The following RLBP1 variants were observed in gnomAD, a reference collection of about 807,000 sequenced individuals.
RLBP1 encodes retinaldehyde-binding protein 1.
In RLBP1, 26 loss-of-function variants were observed where a neutral mutation model predicts 36.2. The observed-to-expected ratio is 0.72, with a 90% CI of 0.53 to 1.00. The LOEUF (loss-of-function observed/expected upper bound fraction) is 1.00. Among genes scored for constraint, RLBP1 ranks in the 50% least tolerant of loss-of-function variants. The pLI, the probability that RLBP1 is intolerant of heterozygous loss-of-function variation, is 0.00. For synonymous variants in RLBP1, 155 were observed against 156.2 expected (o/e 0.99, Z 0.06); for missense variants, 410 against 402.4 (o/e 1.02, Z -0.16).
chr15:89,218,847 T>C lies in RLBP1; in HGVS notation c.12+117A>G, dbSNP rs562509741. The C allele has an allele frequency of 4.7e-6, 7 of 1,498,812 alleles. No individual in the cohort carries two copies. In the African/African-American group the frequency reaches 9.6e-5, roughly 21 times the overall value. The allele number at this position is 1,498,812 out of a possible 1,614,324, so 92.8% of individuals were successfully genotyped here. A position where few individuals can be genotyped will look rare whatever the true frequency, so the allele number is the denominator to read the frequency against. Reference sequence around the variant, plus strand: ...AGGACCCACACAGGGGTTATAGAAGTGTGTGCCTATATTCCCGGGCAGAGC... The same window carrying C: ...AGGACCCACACAGGGGTTATAGAAGCGTGTGCCTATATTCCCGGGCAGAGC... On this transcript the variant is annotated intron_variant, in intron 3 of 8. Coordinates refer to ENST00000268125, the MANE Select transcript of RLBP1 (RefSeq NM_000326.5). This position sits in a 1 kb window ranked among gnomAD's most constrained non-coding sequence, Gnocchi z 4.6.
rs757325106 is a variant in RLBP1, at chr15:89,218,001, C to T, written c.141+564G>A. 3.9e-5 allele frequency among the ~76,000 whole-genome samples: 6 copies of T among 152,124 alleles called. No individual in the cohort carries two copies. The highest frequency in any genetic ancestry group is 8.8e-5 in the Non-Finnish European group (6 of 68,022). The stretch of plus-strand genomic sequence containing the variant: ...AATAGCACCTTTCCCTTGAGATGCC[C>T]AAGGAAGCAGAGATGGAAGCTGGGT... On this transcript the variant is annotated intron_variant, in intron 4 of 8. Coordinates refer to ENST00000268125, the MANE Select transcript of RLBP1 (RefSeq NM_000326.5). This position sits in a 1 kb window ranked among gnomAD's most constrained non-coding sequence, Gnocchi z 4.6.
At position 89,211,527 on chromosome 15, in the gene RLBP1, A is replaced by G. The variant is rs936513248; in HGVS notation, c.684+216T>C. On this transcript the variant is annotated intron_variant, in intron 7 of 8. Coordinates refer to ENST00000268125, the MANE Select transcript of RLBP1 (RefSeq NM_000326.5). The surrounding 1 kb of genome is among the most constrained non-coding windows in gnomAD (Gnocchi z 5.8). ...AATGAAGCAGGGAAGGAGGGAGAGAATGCTCTCAAGGAGTCGATGGAAGAA... is the reference window on the plus strand; with the variant it reads ...AATGAAGCAGGGAAGGAGGGAGAGAGTGCTCTCAAGGAGTCGATGGAAGAA... Among the ~76,000 whole-genome samples the G allele has an allele frequency of 1.3e-5, 2 of 152,180 alleles. No individual in the cohort carries two copies. Among genetic ancestry groups the G allele is most frequent in the Admixed American group, 1.3e-4 (2 of 15,274 alleles).
chr15:89,216,521 C>A (rs1356645207), intron 5 of RLBP1, among the ~76,000 whole-genome samples: 1 of 152,190 alleles, frequency 6.6e-6, no homozygotes, highest in African/African-American at 2.4e-5. Flanking sequence ...GGGGTTTCTC[C>A]ACGTTGGTCA....
rs1240542346 is a variant in RLBP1, at chr15:89,218,035, T to C, written c.141+530A>G. Among the ~76,000 whole-genome samples, 1 of 152,294 alleles carries C rather than the reference T, an allele frequency of 6.6e-6. No individual in the cohort carries two copies. The highest frequency in any genetic ancestry group is 1.9e-4 in the East Asian group (1 of 5,180). ...AGAGATGGAAGCTGGGTGCCCAGGCTCAGCTCAGCCACTTCTCATCCTCCC... is the reference window on the plus strand; with the variant it reads ...AGAGATGGAAGCTGGGTGCCCAGGCCCAGCTCAGCCACTTCTCATCCTCCC... On this transcript the variant is annotated intron_variant, in intron 4 of 8. Coordinates refer to ENST00000268125, the MANE Select transcript of RLBP1 (RefSeq NM_000326.5). The surrounding 1 kb of genome is among the most constrained non-coding windows in gnomAD (Gnocchi z 4.6).
At chr15:89,215,466 C>A (rs2051572687) in intron 5 of RLBP1, among the ~76,000 whole-genome samples, 1 of 152,194 alleles carries the variant, frequency 6.6e-6, no homozygotes, top group Non-Finnish European at 1.5e-5. Context: ...ATTGTTGTGG[C>A]AATCAAATGA....
chr15:89,212,359 A>G (rs748901321), intron 6 of RLBP1, among the ~76,000 whole-genome samples: 1 of 152,126 alleles, frequency 6.6e-6, no homozygotes, highest in East Asian at 1.9e-4. Context: ...AGGCAGGTGG[A>G]TCACCTGAGG....
Position 89,210,494 on chromosome 15 carries a change from A to T in RLBP1, c.796-51T>A, listed in dbSNP as rs1305078724. On this transcript the variant is annotated intron_variant, in intron 8 of 8. Coordinates refer to ENST00000268125, the MANE Select transcript of RLBP1 (RefSeq NM_000326.5). The surrounding 1 kb of genome is among the most constrained non-coding windows in gnomAD (Gnocchi z 4.7). Reference sequence around the variant, plus strand: ...CTGAGCAGGAGGAGGTGCCCTAAGGATGAGGGTTGAGGGAGGAAAGGGGCA... The same window carrying T: ...CTGAGCAGGAGGAGGTGCCCTAAGGTTGAGGGTTGAGGGAGGAAAGGGGCA... 8 of 1,604,540 alleles carry T rather than the reference A, an allele frequency of 5.0e-6. No homozygotes were observed. Among genetic ancestry groups the T allele is most frequent in the Non-Finnish European group, 6.8e-6 (8 of 1,171,962 alleles).
At position 89,210,384 on chromosome 15, in the gene RLBP1, C is replaced by A. The variant is rs915161576; in HGVS notation, c.855G>T (p.Leu285=). The A allele has an allele frequency of 4.3e-6, 7 of 1,614,230 alleles. No homozygotes were observed. The highest frequency in any genetic ancestry group is 1.1e-5 in the South Asian group (1 of 91,088). Residue 285 remains leucine, a synonymous_variant, in exon 9 of 9, where the codon CTG becomes CTT. Transcript: ENST00000268125. This position sits in a 1 kb window ranked among gnomAD's most constrained non-coding sequence, Gnocchi z 4.7. ...GFYQEIDENI[L]PSDFGGTLPK... is the part of the protein sequence containing the mutation. ...GCAGCGTGCCCCCGAAGTCAGAGGGCAGGATGTTCTCATCGATCTCCTGGT... is the reference window on the plus strand; with the variant it reads ...GCAGCGTGCCCCCGAAGTCAGAGGGAAGGATGTTCTCATCGATCTCCTGGT...
At chr15:89,220,509 C>T (rs1390026784) in intron 1 of RLBP1, among the ~76,000 whole-genome samples, 1 of 152,158 alleles carries the variant, frequency 6.6e-6, no homozygotes, top group Admixed American at 6.5e-5. Context: ...CATAGAGTAT[C>T]GGAGGGTCCC....
chr15:89,210,539 T>C lies in RLBP1; in HGVS notation c.796-96A>G. On this transcript the variant is annotated intron_variant, in intron 8 of 8. Coordinates refer to ENST00000268125, the MANE Select transcript of RLBP1 (RefSeq NM_000326.5). The surrounding 1 kb of genome is among the most constrained non-coding windows in gnomAD (Gnocchi z 4.7). ...GGGGCAGGAGGACAAAGCCCCATCA[T>C]GTGCAGTCTTTGCCTGGCGACACCT... The C allele has an allele frequency of 6.9e-7, 1 of 1,444,178 alleles. No homozygotes were observed. Among genetic ancestry groups the C allele is most frequent in the Non-Finnish European group, 9.7e-7 (1 of 1,031,976 alleles). 89.5% of individuals were successfully genotyped at this position (1,444,178 alleles called of 1,614,324 possible).
rs757539358 is a variant in RLBP1 at position 89,215,090 on chromosome 15, G to A, written c.495C>T (p.Asn165=). ...GRVVMLFNIE[N]WQSQEITFDE... ...CAAAGGTGATTTCTTGACTTTGCCA[G>A]TTCTCAATGTTGAAGAGCATGACCA... Residue 165 remains asparagine, a synonymous_variant, in exon 6 of 9, where the codon AAC becomes AAT. Coordinates refer to ENST00000268125, the MANE Select transcript of RLBP1 (RefSeq NM_000326.5). 5.3e-5 allele frequency: 86 copies of A among 1,614,100 alleles called. No individual in the cohort carries two copies. Among genetic ancestry groups the A allele is most frequent in the Non-Finnish European group, 7.1e-5 (84 of 1,180,050 alleles).
In RLBP1 at chr15:89,210,232, G is replaced by C; in HGVS notation, c.*53C>G. 6.2e-7 allele frequency: 1 copy of C among 1,605,000 alleles called. No homozygotes were observed. Among genetic ancestry groups the C allele is most frequent in the Non-Finnish European group, 8.5e-7 (1 of 1,174,782 alleles). Reference sequence around the variant, plus strand: ...CTTTCCTAGCCTTGGGTCCAGGACAGTTGAGGAGAGGCCCAGAGATTCTAA... The same window carrying C: ...CTTTCCTAGCCTTGGGTCCAGGACACTTGAGGAGAGGCCCAGAGATTCTAA... On this transcript the variant is annotated 3_prime_UTR_variant, in exon 9 of 9. Coordinates refer to ENST00000268125, the MANE Select transcript of RLBP1 (RefSeq NM_000326.5). The surrounding 1 kb of genome is among the most constrained non-coding windows in gnomAD (Gnocchi z 4.7).
Position 89,218,824 on chromosome 15 carries a change from G to A in RLBP1, c.13-131C>T. 2 of 1,512,004 alleles carry A rather than the reference G, an allele frequency of 1.3e-6. No individual in the cohort carries two copies. The highest frequency in any genetic ancestry group is 1.8e-6 in the Non-Finnish European group (2 of 1,098,554). 93.7% of individuals were successfully genotyped at this position (1,512,004 alleles called of 1,614,324 possible). On this transcript the variant is annotated intron_variant, in intron 3 of 8. Transcript: ENST00000268125. The surrounding 1 kb of genome is among the most constrained non-coding windows in gnomAD (Gnocchi z 4.6). Reference sequence around the variant, plus strand: ...AAGCCTCCTCCTTTTGTGGGGTCAGGACCCACACAGGGGTTATAGAAGTGT... The same window carrying A: ...AAGCCTCCTCCTTTTGTGGGGTCAGAACCCACACAGGGGTTATAGAAGTGT...
rs201258558 is a variant in RLBP1, at chr15:89,218,680, C to A, written c.26G>T (p.Arg9Leu). The A allele has an allele frequency of 2.2e-5, 35 of 1,614,140 alleles. No homozygotes were observed. Among genetic ancestry groups the A allele is most frequent in the Non-Finnish European group, 2.9e-5 (34 of 1,180,040 alleles). The stretch of plus-strand genomic sequence containing the variant: ...CTCCTGTTCCTCTTCAGGTACCATG[C>A]GGAACGTGCCCACCTGGGCAGAGAA... MSEGVGTF[R>L]MVPEEEQELR... is the part of the protein sequence containing the mutation. Residue 9 changes from arginine (R) to leucine (L), a missense_variant, in exon 4 of 9, where the codon CGC (arginine) becomes CTC (leucine). Physicochemically the swap from Arg to Leu is moderately radical, Grantham distance 102. Transcript: ENST00000268125. The surrounding 1 kb of genome is among the most constrained non-coding windows in gnomAD (Gnocchi z 4.6).
rs776927343 is a variant in RLBP1 at position 89,217,272 on chromosome 15, T to G, written c.194A>C (p.Glu65Ala). The G allele has an allele frequency of 6.2e-6, 10 of 1,610,138 alleles. No homozygotes were observed. Among genetic ancestry groups the G allele is most frequent in the Non-Finnish European group, 8.5e-6 (10 of 1,180,008 alleles). ...REETREEAVR[E>A]LQEMVQAQAA... is the part of the protein sequence containing the mutation. The stretch of plus-strand genomic sequence containing the variant: ...CTGCGCCTGCACCATCTCCTGCAGC[T>G]CTCGCACTGCCTCCTCCCGGGTCTC... Residue 65 changes from glutamate (E) to alanine (A), a missense_variant, in exon 5 of 9, where the codon GAG (glutamate) becomes GCG (alanine). Glu to Ala is a moderately radical substitution (Grantham distance 107). Coordinates refer to ENST00000268125, the MANE Select transcript of RLBP1 (RefSeq NM_000326.5).
chr15:89,211,625 C>T lies in RLBP1; in HGVS notation c.684+118G>A. The stretch of plus-strand genomic sequence containing the variant: ...GGTTGGGACTGTGGCTGTCACTGCT[C>T]TTTATGGCGCGAGGTGGTCCAACTT... On this transcript the variant is annotated intron_variant, in intron 7 of 8. Transcript: ENST00000268125. This position sits in a 1 kb window ranked among gnomAD's most constrained non-coding sequence, Gnocchi z 5.8. The T allele has an allele frequency of 9.7e-7, 1 of 1,033,788 alleles. No homozygotes were observed. Among genetic ancestry groups the T allele is most frequent in the East Asian group, 2.4e-5 (1 of 41,730 alleles). 64.0% of individuals were successfully genotyped at this position (1,033,788 alleles called of 1,614,324 possible).
chr15:89,212,651 C>A (rs1461487142), intron 6 of RLBP1, among the ~76,000 whole-genome samples: 1 of 150,034 alleles, frequency 6.7e-6, no homozygotes, highest in Admixed American at 6.7e-5. Context: ...TATGTGCGTG[C>A]ATACATGTAT....
rs982830709 is a variant in RLBP1 at position 89,214,071 on chromosome 15, C to T, written c.525+989G>A. ...AGTCCAGAAATAGACCAAGCACATA[C>T]GAAAATATAAAACATGATAAAGATG... On this transcript the variant is annotated intron_variant, in intron 6 of 8. Transcript: ENST00000268125. This position sits in a 1 kb window ranked among gnomAD's most constrained non-coding sequence, Gnocchi z 4.6. Among the ~76,000 whole-genome samples the T allele has an allele frequency of 5.9e-5, 9 of 152,028 alleles. No individual in the cohort carries two copies. Among genetic ancestry groups the T allele is most frequent in the Admixed American group, 5.2e-4 (8 of 15,272 alleles).
In RLBP1 at chr15:89,218,132, C is replaced by T. The variant is rs1464138738; in HGVS notation, c.141+433G>A. 2.0e-5 allele frequency among the ~76,000 whole-genome samples: 3 copies of T among 152,170 alleles called. No individual in the cohort carries two copies. The highest frequency in any genetic ancestry group is 4.4e-5 in the Non-Finnish European group (3 of 68,030). On this transcript the variant is annotated intron_variant, in intron 4 of 8. Coordinates refer to ENST00000268125, the MANE Select transcript of RLBP1 (RefSeq NM_000326.5). This position sits in a 1 kb window ranked among gnomAD's most constrained non-coding sequence, Gnocchi z 4.6. The stretch of plus-strand genomic sequence containing the variant: ...ATCACCTCTGAGCTAGTCCACCAAC[C>T]GTCTTTCATAGATACAGAAGGCAAG...
Sources: gnomAD v4.1 joint callset for allele counts (sites outside exome capture counted in the v4.1 genomes callset) on GRCh38, gnomAD v4.1.1 for gene constraint, Gnocchi (gnomAD v3.1) non-coding constraint, MANE v1.5 for transcripts, NCBI Gene and HGNC (gene_info 2026-07-23, HGNC 2026-07-21) for gene names.